Variants in IGFL2 observed in about 807,000 individuals in gnomAD.
IGFL2 encodes insulin growth factor-like family member 2.
In IGFL2, 7 loss-of-function variants were observed where a neutral mutation model predicts 13.9. The observed-to-expected ratio is 0.51, with a 90% CI of 0.29 to 0.95. The LOEUF (loss-of-function observed/expected upper bound fraction) is 0.95, where lower values mean the gene tolerates loss of function less well. Among genes scored for constraint, IGFL2 ranks in the 40% least tolerant of loss-of-function variants. The pLI is 0.08. For synonymous variants in IGFL2, 55 were observed against 55.8 expected (o/e 0.99, Z 0.07); for missense variants, 138 against 147.8 (o/e 0.93, Z 0.34).
chr19:46,102,208 C>T, the IGFL2 span, among the ~76,000 whole-genome samples: 9 of 152,254 alleles, frequency 5.9e-5, no homozygotes, highest in South Asian at 2.1e-4. Flanking sequence ...TTCATGCGCG[C>T]GTCTGTGTGA....
chr19:46,200,514 T>C, the IGFL2 span, among the ~76,000 whole-genome samples: 43 of 100,170 alleles, frequency 4.3e-4, no homozygotes, highest in Middle Eastern at 5.2e-3. Flanking sequence ...CTTTTCTCTT[T>C]TCTTTTCTTT....
the IGFL2 span, among the ~76,000 whole-genome samples, chr19:46,125,801 C>A: frequency 1.3e-5 from 2 of 152,296 alleles, no homozygotes; most frequent in East Asian, 3.9e-4. Flanking sequence ...CCCAGGCTGT[C>A]AGCTTGTTTA....
At chr19:46,136,938 G>A in the IGFL2 span, 1 of 1,123,530 alleles carries the variant, frequency 8.9e-7, no homozygotes, top group East Asian at 2.4e-5. Flanking sequence ...AGAGGTGTCT[G>A]TAAAGTTGTT....
At chr19:46,160,165 T>C (rs1974071150) in intron 1 of IGFL2, 2 of 526,976 alleles carry the variant, frequency 3.8e-6, no homozygotes, top group Admixed American at 6.4e-5. Context: ...AGCATATTCT[T>C]AGAATCATAA....
At chr19:46,169,525 C>A in the IGFL2 span, among the ~76,000 whole-genome samples, 1 of 151,952 alleles carries the variant, frequency 6.6e-6, no homozygotes, top group Non-Finnish European at 1.5e-5. Flanking sequence ...TGTTGGAGAC[C>A]TAATGAGAAC....
the IGFL2 span, among the ~76,000 whole-genome samples, chr19:46,182,706 C>T: frequency 1.8e-4 from 27 of 152,256 alleles, no homozygotes; most frequent in East Asian, 5.2e-3. Context: ...CAGATCGTCC[C>T]TTTTCATTGC....
the IGFL2 span, among the ~76,000 whole-genome samples, chr19:46,107,154 T>G: frequency 3.3e-5 from 5 of 152,076 alleles, no homozygotes; most frequent in Admixed American, 3.3e-4. Context: ...ACAACAGTTA[T>G]GGAGGTAAGG....
the IGFL2 span, among the ~76,000 whole-genome samples, chr19:46,101,881 A>T: frequency 6.6e-6 from 1 of 152,214 alleles, no homozygotes; most frequent in Admixed American, 6.5e-5. Context: ...TTCCAAGGCT[A>T]GGTAACATTG....
chr19:46,079,242 G>C, the IGFL2 span, among the ~76,000 whole-genome samples: 1 of 152,262 alleles, frequency 6.6e-6, no homozygotes, highest in African/African-American at 2.4e-5. Flanking sequence ...CTGGACAATT[G>C]GGATGCTGCA....
At chr19:46,187,082 A>G in the IGFL2 span, among the ~76,000 whole-genome samples, 1 of 152,226 alleles carries the variant, frequency 6.6e-6, no homozygotes, top group Admixed American at 6.5e-5. Context: ...TTAGCACTTG[A>G]AAGATGTCAG....
At chr19:46,105,115 C>A in the IGFL2 span, among the ~76,000 whole-genome samples, 1 of 152,174 alleles carries the variant, frequency 6.6e-6, no homozygotes, top group African/African-American at 2.4e-5. Flanking sequence ...CTCCAGCTTC[C>A]TTTGGAAGTA....
chr19:46,192,618 A>C, the IGFL2 span, among the ~76,000 whole-genome samples: 1,692 of 151,856 alleles, frequency 0.011, 36 homozygotes, highest in East Asian at 0.066. Flanking sequence ...CAGGGGTTTC[A>C]CCATGTTGAC....
chr19:46,208,036 G>C, the IGFL2 span: 1 of 152,188 alleles, frequency 6.6e-6, no homozygotes, highest in African/African-American at 2.4e-5. Flanking sequence ...TGAGCGTGGT[G>C]AACAGAACAC....
the IGFL2 span, among the ~76,000 whole-genome samples, chr19:46,186,463 GAATA>G: frequency 6.6e-6 from 1 of 152,212 alleles, no homozygotes. Context: ...TGCTATTGTG[GAATA>G]AATTCCTTGA....
the IGFL2 span, among the ~76,000 whole-genome samples, chr19:46,179,979 C>T: frequency 6.6e-6 from 1 of 151,948 alleles, no homozygotes; most frequent in African/African-American, 2.4e-5. Context: ...TAGAGATTCC[C>T]CCAGGGTTTT....
At chr19:46,177,969 C>T in the IGFL2 span, among the ~76,000 whole-genome samples, 2 of 152,088 alleles carry the variant, frequency 1.3e-5, no homozygotes, top group African/African-American at 2.4e-5. Context: ...GCACAACTGG[C>T]CATCATTAAC....
the IGFL2 span, among the ~76,000 whole-genome samples, chr19:46,100,106 G>A: frequency 6.6e-6 from 1 of 152,024 alleles, no homozygotes; most frequent in Non-Finnish European, 1.5e-5. Context: ...CCTACTTTCT[G>A]AAGCCTTCTG....
the IGFL2 span, among the ~76,000 whole-genome samples, chr19:46,117,554 C>G: frequency 2.9e-4 from 44 of 152,274 alleles, 2 homozygotes; most frequent in Admixed American, 2.0e-3. Context: ...TCATAGCTCA[C>G]TGCAGCCTCA....
upstream of IGFL2, among the ~76,000 whole-genome samples, chr19:46,141,847 G>A (rs976093121): frequency 3.3e-5 from 5 of 152,090 alleles, no homozygotes; most frequent in African/African-American, 9.7e-5. Flanking sequence ...TGCCCAACCC[G>A]AATTCACCCT....
Sources: allele counts gnomAD v4.1 joint callset (sites outside exome capture counted in the v4.1 genomes callset), GRCh38; gene constraint gnomAD v4.1.1; transcripts MANE v1.5; gene names NCBI Gene and HGNC (gene_info 2026-07-23, HGNC 2026-07-21).